The following DNER variants were observed in gnomAD, a reference collection of about 807,000 sequenced individuals.
DNER encodes the protein delta and Notch-like epidermal growth factor-related receptor.
In DNER, 33 loss-of-function variants were observed where a neutral mutation model predicts 78.2. The ratio of observed to expected loss-of-function variants is 0.42; its 90% confidence interval spans 0.32 to 0.56. The LOEUF (loss-of-function observed/expected upper bound fraction) is 0.56. Among genes scored for constraint, DNER ranks in the 20% least tolerant of loss-of-function variants. The pLI, the probability that DNER is intolerant of heterozygous loss-of-function variation, is 0.11. For synonymous variants in DNER, 417 were observed against 384.8 expected (o/e 1.08, Z -0.98); for missense variants, 918 against 975.3 (o/e 0.94, Z 0.78).
intron 1 of DNER, among the ~76,000 whole-genome samples, chr2:229,693,606 T>C (rs1005207613): frequency 2.0e-5 from 3 of 152,052 alleles, no homozygotes; most frequent in East Asian, 1.9e-4. Context: ...CAGAAGGAGA[T>C]GGGGAACTTG....
chr2:229,367,583 A>G (rs1276745331), intron 11 of DNER, among the ~76,000 whole-genome samples: 1 of 152,218 alleles, frequency 6.6e-6, no homozygotes, highest in African/African-American at 2.4e-5. Context: ...CCTGGGCAAC[A>G]GAGTGAGACT....
At chr2:229,553,671 T>C (rs1204455116) in intron 4 of DNER, among the ~76,000 whole-genome samples, 1 of 152,162 alleles carries the variant, frequency 6.6e-6, no homozygotes, top group Non-Finnish European at 1.5e-5. Flanking sequence ...GGCAAACACC[T>C]TGTGAAAAGC....
intron 5 of DNER, 43 bp downstream of exon 5, chr2:229,546,904 C>T (rs1438655447): frequency 6.2e-7 from 1 of 1,611,728 alleles, no homozygotes; most frequent in Admixed American, 1.7e-5. Context: ...GGTAAATATT[C>T]ATGTAAATAT....
chr2:229,668,970 C>T (rs1699159779), intron 1 of DNER, among the ~76,000 whole-genome samples: 1 of 152,068 alleles, frequency 6.6e-6, no homozygotes, highest in African/African-American at 2.4e-5. Flanking sequence ...GGAACCAGAC[C>T]AAATGCTCAT....
At chr2:229,567,203 T>C (rs1018001511) in intron 4 of DNER, among the ~76,000 whole-genome samples, 2 of 152,376 alleles carry the variant, frequency 1.3e-5, no homozygotes, top group Admixed American at 1.3e-4. Context: ...AAGGTTGTTA[T>C]ATTTTTATTA....
chr2:229,609,867 T>C (rs1047175309), intron 1 of DNER, among the ~76,000 whole-genome samples: 6 of 152,240 alleles, frequency 3.9e-5, no homozygotes, highest in Admixed American at 6.5e-5. Flanking sequence ...GAGTAATGTC[T>C]GGATTGTAAT....
chr2:229,421,557 A>C (rs1693763669), intron 8 of DNER, among the ~76,000 whole-genome samples: 1 of 150,074 alleles, frequency 6.7e-6, no homozygotes, highest in Non-Finnish European at 1.5e-5. Flanking sequence ...TATTTTACCT[A>C]CTATATATAT....
chr2:229,713,979 G>T (rs1699950802), intron 1 of DNER, among the ~76,000 whole-genome samples, 169 bp downstream of exon 1: 1 of 152,298 alleles, frequency 6.6e-6, no homozygotes, highest in East Asian at 1.9e-4. Flanking sequence ...ATCAGGGTCG[G>T]CCCGGGGGTC....
chr2:229,705,367 G>A (rs1032403404), intron 1 of DNER, among the ~76,000 whole-genome samples: 4 of 152,122 alleles, frequency 2.6e-5, no homozygotes. Flanking sequence ...ATTTCCAAGC[G>A]CCTTTCTTTC....
At chr2:229,562,813 T>C (rs1696984065) in intron 4 of DNER, among the ~76,000 whole-genome samples, 1 of 152,080 alleles carries the variant, frequency 6.6e-6, no homozygotes, top group African/African-American at 2.4e-5. Context: ...AATATCAGAA[T>C]AGTTTTTAGG....
rs917340563 is a variant in DNER at position 229,460,381 on chromosome 2, T to C, written c.1262-12841A>G. 4.6e-5 allele frequency among the ~76,000 whole-genome samples: 7 copies of C among 151,844 alleles called. No individual in the cohort carries two copies. In the East Asian group the frequency reaches 1.4e-3, roughly 29 times the overall value. On this transcript the variant is annotated intron_variant, in intron 7 of 12. Coordinates refer to ENST00000341772, the MANE Select transcript of DNER (RefSeq NM_139072.4). Reference sequence around the variant, plus strand: ...TTAAAAACTATTACAAGCCAATGTGTAATGTTGAGAGCTTTTTAAAAACTA... The same window carrying C: ...TTAAAAACTATTACAAGCCAATGTGCAATGTTGAGAGCTTTTTAAAAACTA...
intron 1 of DNER, among the ~76,000 whole-genome samples, chr2:229,681,869 T>C (rs1330513906): frequency 1.8e-5 from 2 of 112,588 alleles, no homozygotes; most frequent in Non-Finnish European, 4.3e-5. Context: ...CACACACAAA[T>C]GTATCGTATA....
chr2:229,503,216 G>A (rs1695657756), intron 6 of DNER, among the ~76,000 whole-genome samples: 1 of 152,136 alleles, frequency 6.6e-6, no homozygotes, highest in Admixed American at 6.5e-5. Flanking sequence ...TGGCAAAACT[G>A]GGGCTAAGAG....
intron 5 of DNER, among the ~76,000 whole-genome samples, chr2:229,537,575 C>T (rs1437016875): frequency 6.6e-6 from 1 of 152,066 alleles, no homozygotes; most frequent in Admixed American, 6.6e-5. Context: ...ACTCTAAATT[C>T]TCTGACCCTG....
intron 7 of DNER, among the ~76,000 whole-genome samples, chr2:229,467,649 G>A (rs567841140): frequency 6.6e-6 from 1 of 152,292 alleles, no homozygotes; most frequent in African/African-American, 2.4e-5. Flanking sequence ...TATGTGTGAG[G>A]AGATAATTCT....
chr2:229,519,286 T>C (rs1284437330), intron 5 of DNER, among the ~76,000 whole-genome samples: 4 of 152,160 alleles, frequency 2.6e-5, no homozygotes, highest in Non-Finnish European at 4.4e-5. Flanking sequence ...GGTGAACAAA[T>C]CATTCCAGTG....
At chr2:229,670,458 A>G (rs1368417995) in intron 1 of DNER, among the ~76,000 whole-genome samples, 2 of 152,228 alleles carry the variant, frequency 1.3e-5, no homozygotes, top group African/African-American at 4.8e-5. Flanking sequence ...GGGGAAATAC[A>G]TCAGGAGCAT....
At chr2:229,511,574 A>C (rs190618312) in intron 6 of DNER, among the ~76,000 whole-genome samples, 1 of 152,358 alleles carries the variant, frequency 6.6e-6, no homozygotes, top group Non-Finnish European at 1.5e-5. Flanking sequence ...ATTGTGGAGA[A>C]CAAGGTAGCA....
At chr2:229,571,689 A>C (rs1347181687) in intron 4 of DNER, among the ~76,000 whole-genome samples, 1 of 152,096 alleles carries the variant, frequency 6.6e-6, no homozygotes, top group Non-Finnish European at 1.5e-5. Flanking sequence ...TCTTTTCAGA[A>C]AAGAACCTTT....
Sources: allele counts gnomAD v4.1 joint callset (sites outside exome capture counted in the v4.1 genomes callset), GRCh38; gene constraint gnomAD v4.1.1; transcripts MANE v1.5; gene names NCBI Gene and HGNC (gene_info 2026-07-23, HGNC 2026-07-21).